Variants in TSEN54 observed in about 807,000 individuals in gnomAD.
TSEN54 encodes tRNA splicing endonuclease subunit 54, also known as tRNA-splicing endonuclease subunit Sen54.
A neutral mutation model predicts 61.9 loss-of-function variants in TSEN54; 55 were observed. The observed-to-expected ratio is 0.89, with a 90% CI of 0.72 to 1.11. The LOEUF is 1.11. Among genes scored for constraint, TSEN54 ranks in the 50% most tolerant of loss-of-function variants. The pLI, the probability that TSEN54 is intolerant of heterozygous loss-of-function variation, is 0.00. For synonymous variants in TSEN54, 304 were observed against 288.7 expected (o/e 1.05, Z -0.54); for missense variants, 760 against 687.7 (o/e 1.11, Z -1.18).
chr17:75,524,565 TGAAA>T lies in TSEN54; in HGVS notation c.*154_*157del. The T allele has an allele frequency of 2.1e-6, 2 of 951,350 alleles. No individual in the cohort carries two copies. The highest frequency in any genetic ancestry group is 3.3e-6 in the Non-Finnish European group (2 of 602,970). 58.9% of individuals were successfully genotyped at this position (951,350 alleles called of 1,614,324 possible). ...CCCTGGGTGTCTGATACTCACAGAG[TGAAA>T]CTGTGACCCTCTCCCTTCCCTGCTG... On this transcript the variant is annotated 3_prime_UTR_variant, in exon 11 of 11. Coordinates refer to ENST00000333213, the MANE Select transcript of TSEN54 (RefSeq NM_207346.3).
chr17:75,519,668 T>A (rs1367708700), intron 6 of TSEN54, among the ~76,000 whole-genome samples: 1 of 152,212 alleles, frequency 6.6e-6, no homozygotes, highest in Non-Finnish European at 1.5e-5. Flanking sequence ...GTTCAAGCAG[T>A]TCTCCTGCCT....
At position 75,521,522 on chromosome 17, in the gene TSEN54, A is replaced by G. The variant is rs755107266; in HGVS notation, c.623+12A>G. The stretch of plus-strand genomic sequence containing the variant: ...AGCTCCAGCCCTCGGTAACTCCCAC[A>G]TCACGGTGGCCCCCCAGGGAGTGCT... On this transcript the variant is annotated intron_variant, in intron 7 of 10. Transcript: ENST00000333213. 6.2e-7 allele frequency: 1 copy of G among 1,612,828 alleles called. No individual in the cohort carries two copies. Among genetic ancestry groups the G allele is most frequent in the Non-Finnish European group, 8.5e-7 (1 of 1,178,904 alleles).
At chr17:75,523,216 A>G (rs2053448317) in intron 8 of TSEN54, 59 bp from the exon 9 acceptor site, 6 of 1,612,778 alleles carry the variant, frequency 3.7e-6, no homozygotes, top group Non-Finnish European at 5.1e-6. Context: ...CCTAAACTAG[A>G]TGGCAGACTG....
At chr17:75,522,921 C>T (rs1408843531) in intron 8 of TSEN54, 1 of 358,978 alleles carries the variant, frequency 2.8e-6, no homozygotes, top group Non-Finnish European at 5.4e-6. Flanking sequence ...TGGCTCATAC[C>T]CGTAATCCCA....
In TSEN54 at chr17:75,517,558, G is replaced by T. The variant is rs774157225; in HGVS notation, c.371G>T (p.Gly124Val). 5.6e-6 allele frequency: 9 copies of T among 1,613,432 alleles called. No homozygotes were observed. The highest frequency in any genetic ancestry group is 1.6e-4 in the Middle Eastern group (1 of 6,084). The change falls in exon 5 of 11, where the codon GGC (glycine) becomes GTC (valine). Residue 124 changes from glycine (G) to valine (V), a missense_variant and splice_region_variant. Transcript: ENST00000333213. ...PEEALYLLEC[G>V]SIHLFHQDLP... ...CTGAGCTGTTGGCCCCACTTCCAGGGCTCCATCCACCTCTTCCACCAAGAC... is the reference window on the plus strand; with the variant it reads ...CTGAGCTGTTGGCCCCACTTCCAGGTCTCCATCCACCTCTTCCACCAAGAC...
chr17:75,520,907 G>C (rs1415335741), intron 6 of TSEN54, among the ~76,000 whole-genome samples: 3 of 149,986 alleles, frequency 2.0e-5, no homozygotes, highest in Non-Finnish European at 4.4e-5. Flanking sequence ...AGTGAGCCAA[G>C]ATTGTGCCAC....
chr17:75,522,514 T>C (rs1172866619), intron 8 of TSEN54, 181 bp downstream of exon 8: 3 of 1,472,646 alleles, frequency 2.0e-6, no homozygotes, highest in African/African-American at 2.8e-5. Flanking sequence ...TGGGAAGGCT[T>C]AGAGATGGTG....
At position 75,517,005 on chromosome 17, in the gene TSEN54, C is replaced by T. The variant is rs2053376719; in HGVS notation, c.222-4C>T. On this transcript the variant is annotated splice_region_variant and splice_polypyrimidine_tract_variant and intron_variant, in intron 2 of 10. Transcript: ENST00000333213. The stretch of plus-strand genomic sequence containing the variant: ...GACGCAGACCCCTCCCCACTCCTCG[C>T]CAGGGGCAGCTTGGTGGCTGCCGAG... 6.3e-7 allele frequency: 1 copy of T among 1,580,978 alleles called. No homozygotes were observed. Among genetic ancestry groups the T allele is most frequent in the Non-Finnish European group, 8.6e-7 (1 of 1,164,104 alleles).
intron 8 of TSEN54, 127 bp from the exon 9 acceptor site, chr17:75,523,148 C>T: frequency 1.6e-6 from 2 of 1,255,762 alleles, no homozygotes; most frequent in Non-Finnish European, 1.2e-6. Flanking sequence ...CACTATACTC[C>T]AGCCTGGGTG....
chr17:75,524,207 T>C, intron 10 of TSEN54, 55 bp from the exon 11 acceptor site: 1 of 1,611,962 alleles, frequency 6.2e-7, no homozygotes, highest in Non-Finnish European at 8.5e-7. Flanking sequence ...CTGGGAGCCC[T>C]AGAGCTTAGG....
intron 6 of TSEN54, among the ~76,000 whole-genome samples, chr17:75,520,954 C>CAA (rs74269590): frequency 0.015 from 1,435 of 94,976 alleles, 5 homozygotes; most frequent in Middle Eastern, 0.074. Context: ...GACTGTGTCT[C>CAA]AAAAAAAAAA....
At position 75,517,254 on chromosome 17, in the gene TSEN54, G is replaced by T. The variant is rs1374461878; in HGVS notation, c.369+10G>T. On this transcript the variant is annotated intron_variant, in intron 4 of 10. Transcript: ENST00000333213. Reference sequence around the variant, plus strand: ...GTATCTTCTGGAGTGTGTAAGTGGGGCCCGGGAGGTGGGGAAGGAGTTGGG... The same window carrying T: ...GTATCTTCTGGAGTGTGTAAGTGGGTCCCGGGAGGTGGGGAAGGAGTTGGG... 2 of 1,586,056 alleles carry T rather than the reference G, an allele frequency of 1.3e-6. No homozygotes were observed. Among genetic ancestry groups the T allele is most frequent in the Middle Eastern group, 1.8e-4 (1 of 5,496 alleles).
chr17:75,522,317 C>T lies in TSEN54; in HGVS notation c.1236C>T (p.Gly412=), dbSNP rs1363816496. ...CCGTCACCCCGCTGCTGAGTCCTGG[C>T]CAGGCCAGCTCCCCAGGTACCCCCT... ...GQPVTPLLSP[G]QASSPAVVLQ... Residue 412 remains glycine, a synonymous_variant, in exon 8 of 11, where the codon GGC becomes GGT. Transcript: ENST00000333213. The T allele has an allele frequency of 8.4e-6, 13 of 1,545,534 alleles. No homozygotes were observed. Among genetic ancestry groups the T allele is most frequent in the Non-Finnish European group, 1.1e-5 (13 of 1,146,828 alleles).
intron 7 of TSEN54, 24 bp downstream of exon 7, chr17:75,521,534 C>A: frequency 1.9e-6 from 3 of 1,609,164 alleles, no homozygotes. Context: ...CACGGTGGCC[C>A]CCCAGGGAGT....
In TSEN54 at chr17:75,522,266, C is replaced by T; in HGVS notation, c.1185C>T (p.Arg395=). ...GGCGGCAGGTGCAGAGGAGCCAGCGCCGGGCCCCTCACCTGTGGGGCCAGC... is the reference window on the plus strand; with the variant it reads ...GGCGGCAGGTGCAGAGGAGCCAGCGTCGGGCCCCTCACCTGTGGGGCCAGC... The part of the protein sequence containing the change: ...LQRRQVQRSQ[R]RAPHLWGQPV... The change falls in exon 8 of 11, where the codon CGC becomes CGT. Residue 395 remains arginine, a synonymous_variant. Coordinates refer to ENST00000333213, the MANE Select transcript of TSEN54 (RefSeq NM_207346.3). 2 of 1,546,816 alleles carry T rather than the reference C, an allele frequency of 1.3e-6. No homozygotes were observed. Among genetic ancestry groups the T allele is most frequent in the Non-Finnish European group, 1.7e-6 (2 of 1,146,372 alleles).
Position 75,517,085 on chromosome 17 carries a change from C to G in TSEN54, c.285+13C>G. The G allele has an allele frequency of 6.3e-7, 1 of 1,589,098 alleles. No homozygotes were observed. The highest frequency in any genetic ancestry group is 1.1e-5 in the South Asian group (1 of 87,780). ...GAAGTCTCCCGCGGTGAGCGGCGGG[C>G]TCGGGGACCGGGGACCGCCCTCCCT... On this transcript the variant is annotated intron_variant, in intron 3 of 10. Coordinates refer to ENST00000333213, the MANE Select transcript of TSEN54 (RefSeq NM_207346.3).
chr17:75,524,514 G>GCTTC lies in TSEN54; in HGVS notation c.*103_*106dup. 2 of 1,447,742 alleles carry GCTTC rather than the reference G, an allele frequency of 1.4e-6. No individual in the cohort carries two copies. The highest frequency in any genetic ancestry group is 1.9e-6 in the Non-Finnish European group (2 of 1,039,870). The allele number at this position is 1,447,742 out of a possible 1,614,324, so 89.7% of individuals were successfully genotyped here. On this transcript the variant is annotated 3_prime_UTR_variant, in exon 11 of 11. Transcript: ENST00000333213. ...TCCTGTACCCAGACTCTAACCTGTA[G>GCTTC]CTTCAGAGGCCAGTCTGGGCCTTGG...
chr17:75,523,074 G>A, intron 8 of TSEN54: 1 of 636,956 alleles, frequency 1.6e-6, no homozygotes, highest in South Asian at 1.6e-5. Flanking sequence ...AGCTACTCAG[G>A]AGGCTGAGAC....
At position 75,521,513 on chromosome 17, in the gene TSEN54, A is replaced by G; in HGVS notation, c.623+3A>G. 6.2e-7 allele frequency: 1 copy of G among 1,613,790 alleles called. No individual in the cohort carries two copies. The highest frequency in any genetic ancestry group is 8.5e-7 in the Non-Finnish European group (1 of 1,179,786). On this transcript the variant is annotated splice_donor_region_variant and intron_variant, in intron 7 of 10. Coordinates refer to ENST00000333213, the MANE Select transcript of TSEN54 (RefSeq NM_207346.3). ...AAGAGGAGCAGCTCCAGCCCTCGGTAACTCCCACATCACGGTGGCCCCCCA... is the reference window on the plus strand; with the variant it reads ...AAGAGGAGCAGCTCCAGCCCTCGGTGACTCCCACATCACGGTGGCCCCCCA...
Sources: gnomAD v4.1 joint callset for allele counts (sites outside exome capture counted in the v4.1 genomes callset) on GRCh38, gnomAD v4.1.1 for gene constraint, MANE v1.5 for transcripts, NCBI Gene and HGNC (gene_info 2026-07-23, HGNC 2026-07-21) for gene names.